The following TMX2 variants were observed in gnomAD, a reference collection of about 807,000 sequenced individuals.
The protein encoded by TMX2 is thioredoxin-related transmembrane protein 2.
Under a neutral mutation model 33.4 loss-of-function variants are expected in TMX2, and 20 were observed. That is an observed-to-expected ratio of 0.60 (90% CI 0.42 to 0.87). The LOEUF (loss-of-function observed/expected upper bound fraction) is 0.87, where lower values mean the gene tolerates loss of function less well. Ranked by LOEUF, TMX2 falls within the 40% of genes least tolerant of loss-of-function variation. The pLI is 0.00. For synonymous variants in TMX2, 166 were observed against 140.7 expected, an observed-to-expected ratio of 1.18 and a Z score of -1.27; for missense variants, 340 against 370.7, an observed-to-expected ratio of 0.92 and a Z score of 0.68.
intron 1 of TMX2, among the ~76,000 whole-genome samples, chr11:57,715,119 G>C (rs1013532720): frequency 2.4e-4 from 36 of 152,176 alleles, no homozygotes; most frequent in African/African-American, 8.7e-4. Flanking sequence ...AAGACACTTG[G>C]CCAGGCATGG....
At chr11:57,726,003 A>G (rs575996341) in intron 1 of TMX2, among the ~76,000 whole-genome samples, 2 of 152,328 alleles carry the variant, frequency 1.3e-5, no homozygotes, top group Non-Finnish European at 2.9e-5. Context: ...AGATACAGAT[A>G]TGTATATATA....
rs1232764522 is a variant in TMX2 at position 57,712,759 on chromosome 11, C to G, written c.141C>G (p.His47Gln). The change falls in exon 1 of 8, where the codon CAC becomes CAG. Residue 47 changes from histidine to glutamine, a missense_variant. Transcript: ENST00000278422. ...LLVRKLPPLC[H>Q]GLPTQREDGN... Reference sequence around the variant, plus strand: ...TGAGGAAACTGCCGCCGCTCTGCCACGGTCTGCCCACCCAACGCGAAGACG... The same window carrying G: ...TGAGGAAACTGCCGCCGCTCTGCCAGGGTCTGCCCACCCAACGCGAAGACG... 1 of 1,614,176 alleles carries G rather than the reference C, an allele frequency of 6.2e-7. No homozygotes were observed. The highest frequency in any genetic ancestry group is 1.3e-5 in the African/African-American group (1 of 75,066).
intron 1 of TMX2, among the ~76,000 whole-genome samples, chr11:57,716,646 G>A (rs1463494411): frequency 5.0e-5 from 7 of 140,690 alleles, no homozygotes; most frequent in African/African-American, 8.0e-5. Context: ...CGGACGGGGC[G>A]GCTGGCCGAG....
At chr11:57,715,577 A>ATTTTTC (rs1297495836) in intron 1 of TMX2, among the ~76,000 whole-genome samples, 1 of 107,628 alleles carries the variant, frequency 9.3e-6, no homozygotes, top group Non-Finnish European at 1.8e-5. Flanking sequence ...ACCTCTTAGA[A>ATTTTTC]TTTGTTTTCT....
chr11:57,726,636 TCTC>T (rs1157150273), intron 1 of TMX2, among the ~76,000 whole-genome samples: 2 of 152,124 alleles, frequency 1.3e-5, no homozygotes, highest in Non-Finnish European at 2.9e-5. Flanking sequence ...TTATATGACT[TCTC>T]CTGTGACAAA....
intron 1 of TMX2, among the ~76,000 whole-genome samples, chr11:57,734,098 G>A (rs1192272413): frequency 1.3e-5 from 2 of 148,386 alleles, no homozygotes; most frequent in South Asian, 2.1e-4. Context: ...CGTGAACCTG[G>A]GAGGCGGAGG....
intron 1 of TMX2, among the ~76,000 whole-genome samples, chr11:57,717,532 C>T (rs1053445179): frequency 2.6e-5 from 4 of 151,992 alleles, no homozygotes; most frequent in Non-Finnish European, 5.9e-5. Flanking sequence ...GAAACCCCGT[C>T]TCCACCAAAA....
intron 5 of TMX2, 85 bp downstream of exon 5, chr11:57,738,855 C>A: frequency 6.5e-7 from 1 of 1,541,934 alleles, no homozygotes; most frequent in Non-Finnish European, 9.0e-7. Context: ...TTTCTTTTGG[C>A]CTTGATTTTC....
chr11:57,737,686 C>T lies in TMX2; in HGVS notation c.250+18C>T, dbSNP rs1565234000. On this transcript the variant is annotated intron_variant, in intron 2 of 7. Coordinates refer to ENST00000278422, the MANE Select transcript of TMX2 (RefSeq NM_015959.4). ...CAGATCCAGTAAGTTTAGTTCACTT[C>T]TCAGACTCAAGGTTAGATCTAATGC... 3 of 1,612,070 alleles carry T rather than the reference C, an allele frequency of 1.9e-6. No individual in the cohort carries two copies. The highest frequency in any genetic ancestry group is 2.7e-5 in the African/African-American group (2 of 75,016).
At chr11:57,732,516 G>T (rs1565228489) in intron 1 of TMX2, among the ~76,000 whole-genome samples, 1 of 152,016 alleles carries the variant, frequency 6.6e-6, no homozygotes, top group Non-Finnish European at 1.5e-5. Context: ...AATAAGTATA[G>T]GAGACCTTTT....
At chr11:57,729,747 ATG>A (rs989934364) in intron 1 of TMX2, among the ~76,000 whole-genome samples, 6 of 150,380 alleles carry the variant, frequency 4.0e-5, no homozygotes, top group African/African-American at 1.3e-4. Flanking sequence ...CTATATATTT[ATG>A]TGTGTGTATA....
Position 57,739,162 on chromosome 11 carries a change from C to G in TMX2, c.646C>G (p.Gln216Glu). The change falls in exon 7 of 8, where the codon CAA (glutamine) becomes GAA (glutamate). Residue 216 changes from glutamine to glutamate, a missense_variant. By Grantham distance (29) the Gln-to-Glu change is conservative. Coordinates refer to ENST00000278422, the MANE Select transcript of TMX2 (RefSeq NM_015959.4). The part of the protein sequence containing the change: ...YKVSTSPLTK[Q>E]LPTLILFQGG... ...AGTGAGCACATCACCCCTCACCAAGCAACTCCCTACCCTGATCCTGTTCCA... is the reference window on the plus strand; with the variant it reads ...AGTGAGCACATCACCCCTCACCAAGGAACTCCCTACCCTGATCCTGTTCCA... The G allele has an allele frequency of 6.2e-7, 1 of 1,614,134 alleles. No homozygotes were observed. Among genetic ancestry groups the G allele is most frequent in the African/African-American group, 1.3e-5 (1 of 75,040 alleles).
At chr11:57,718,330 G>T in intron 1 of TMX2, 1 of 1,554,354 alleles carries the variant, frequency 6.4e-7, no homozygotes, top group African/African-American at 1.4e-5. Context: ...CCATTATGGC[G>T]TGTGAAGTCA....
At chr11:57,714,683 T>C (rs1299190406) in intron 1 of TMX2, among the ~76,000 whole-genome samples, 6 of 152,128 alleles carry the variant, frequency 3.9e-5, no homozygotes, top group Non-Finnish European at 4.4e-5. Flanking sequence ...AGTCTTAACC[T>C]CCTGGGCAAA....
chr11:57,712,957 A>C (rs1479113235), intron 1 of TMX2, 150 bp downstream of exon 1: 1 of 809,862 alleles, frequency 1.2e-6, no homozygotes. Flanking sequence ...GGTCCGAACC[A>C]TCATCGAGTC....
chr11:57,719,046 T>C (rs1947383373), intron 1 of TMX2, among the ~76,000 whole-genome samples: 2 of 142,872 alleles, frequency 1.4e-5, no homozygotes, highest in Admixed American at 1.4e-4. Context: ...TTTTTTTTTT[T>C]TTTTTTTTTG....
intron 1 of TMX2, among the ~76,000 whole-genome samples, chr11:57,735,117 AAG>A (rs1948661322): frequency 6.6e-6 from 1 of 152,032 alleles, no homozygotes; most frequent in African/African-American, 2.4e-5. Context: ...ACAACAGAGC[AAG>A]AGTCCGTCTC....
intron 1 of TMX2, 41 bp downstream of exon 1, chr11:57,712,848 C>A: frequency 6.2e-7 from 1 of 1,610,002 alleles, no homozygotes; most frequent in Non-Finnish European, 8.5e-7. Context: ...CCTTGACTGT[C>A]CCTGCCCTTG....
intron 2 of TMX2, 55 bp downstream of exon 2, chr11:57,737,723 G>T: frequency 6.3e-7 from 1 of 1,580,788 alleles, no homozygotes; most frequent in South Asian, 1.1e-5. Flanking sequence ...CTTTGGAGGT[G>T]CTTTGCTTCA....
Sources: allele counts gnomAD v4.1 joint callset (sites outside exome capture counted in the v4.1 genomes callset), GRCh38; gene constraint gnomAD v4.1.1; transcripts MANE v1.5; gene names NCBI Gene and HGNC (gene_info 2026-07-23, HGNC 2026-07-21).